Variants in CDS1 observed in about 807,000 individuals in gnomAD.
CDS1 encodes CDP-diacylglycerol synthase 1.
In CDS1, 41 loss-of-function variants were observed where a neutral mutation model predicts 62.1. The ratio of observed to expected loss-of-function variants is 0.66; its 90% CI spans 0.51 to 0.86. The LOEUF (loss-of-function observed/expected upper bound fraction) is 0.86. CDS1 is among the 40% of genes least tolerant of loss of function. The probability of loss-of-function intolerance (pLI) is 0.00; values close to 1 mark genes in which losing one functional copy is unlikely to be tolerated. For synonymous variants in CDS1, 185 were observed against 192.6 expected (o/e 0.96, Z 0.32); for missense variants, 470 against 550.1 (o/e 0.85, Z 1.46).
chr4:84,609,196 A>G (rs967041487), intron 2 of CDS1, among the ~76,000 whole-genome samples: 3 of 151,586 alleles, frequency 2.0e-5, no homozygotes, highest in African/African-American at 4.8e-5. Context: ...AAAAAAAAAA[A>G]AAAAAGAAAA....
At chr4:84,641,464 G>C (rs945971731) in intron 10 of CDS1, among the ~76,000 whole-genome samples, 2 of 152,204 alleles carry the variant, frequency 1.3e-5, no homozygotes, top group Non-Finnish European at 2.9e-5. Flanking sequence ...AGTGGTTTTA[G>C]TGTTAGCTTA....
At chr4:84,594,332 T>C (rs1251900508) in intron 1 of CDS1, among the ~76,000 whole-genome samples, 1 of 152,078 alleles carries the variant, frequency 6.6e-6, no homozygotes, top group Non-Finnish European at 1.5e-5. Context: ...GGGGAGGAAA[T>C]GCATGGTGAA....
chr4:84,612,138 C>T (rs1234921822), intron 3 of CDS1, among the ~76,000 whole-genome samples: 5 of 151,110 alleles, frequency 3.3e-5, no homozygotes, highest in Admixed American at 1.3e-4. Flanking sequence ...CCTTTGCTCA[C>T]GGTGCTTCCT....
At chr4:84,639,512 A>C (rs1320805738) in intron 9 of CDS1, among the ~76,000 whole-genome samples, 1 of 152,236 alleles carries the variant, frequency 6.6e-6, no homozygotes, top group Admixed American at 6.5e-5. Flanking sequence ...TAGCATGTTA[A>C]ATAGCTATTT....
At chr4:84,631,929 C>CTT (rs149864119) in intron 6 of CDS1, 52 bp downstream of exon 6, 948 of 1,208,742 alleles carry the variant, frequency 7.8e-4, no homozygotes, top group South Asian at 1.8e-3. Context: ...AAACCCTTAA[C>CTT]TTTTTTTTTT....
intron 6 of CDS1, among the ~76,000 whole-genome samples, chr4:84,633,612 A>G (rs1467112768): frequency 6.6e-6 from 1 of 152,198 alleles, no homozygotes; most frequent in East Asian, 1.9e-4. Context: ...AGTTAGTACT[A>G]TATAATTAGA....
chr4:84,632,555 T>G (rs1724056494), intron 6 of CDS1, among the ~76,000 whole-genome samples: 1 of 152,204 alleles, frequency 6.6e-6, no homozygotes, highest in African/African-American at 2.4e-5. Flanking sequence ...TGAACATAAT[T>G]GCTGGGAAAT....
At chr4:84,583,858 G>A (rs1000977400) in intron 1 of CDS1, among the ~76,000 whole-genome samples, 3 of 152,066 alleles carry the variant, frequency 2.0e-5, no homozygotes, top group Non-Finnish European at 4.4e-5. Context: ...AGGGGCTGCA[G>A]TGCAGTTAGT....
At chr4:84,627,819 C>G (rs1339405298) in intron 5 of CDS1, among the ~76,000 whole-genome samples, 4 of 152,042 alleles carry the variant, frequency 2.6e-5, no homozygotes, top group Non-Finnish European at 5.9e-5. Flanking sequence ...TTAATGAAAT[C>G]TTTAGAAAAG....
chr4:84,590,865 A>G (rs976140481), intron 1 of CDS1, among the ~76,000 whole-genome samples: 1 of 152,164 alleles, frequency 6.6e-6, no homozygotes, highest in Non-Finnish European at 1.5e-5. Flanking sequence ...ATGAGGTACA[A>G]TGTCTAGTAT....
rs1724627585 is a variant in CDS1, at chr4:84,648,753, A to G, written c.*67A>G. The G allele has an allele frequency of 6.8e-7, 1 of 1,480,400 alleles. No individual in the cohort carries two copies. Among genetic ancestry groups the G allele is most frequent in the Admixed American group, 2.1e-5 (1 of 48,322 alleles). 91.7% of individuals were successfully genotyped at this position (1,480,400 alleles called of 1,614,324 possible). ...AGAAAAACACTGACAGATGTTTTATAAATTGTACAGAAAAATAGTTAAAAA... is the reference window on the plus strand; with the variant it reads ...AGAAAAACACTGACAGATGTTTTATGAATTGTACAGAAAAATAGTTAAAAA... On this transcript the variant is annotated 3_prime_UTR_variant, in exon 13 of 13. Coordinates refer to ENST00000295887, the MANE Select transcript of CDS1 (RefSeq NM_001263.4).
intron 1 of CDS1, among the ~76,000 whole-genome samples, chr4:84,593,944 C>G (rs1237259320): frequency 7.2e-5 from 11 of 152,170 alleles, no homozygotes; most frequent in Non-Finnish European, 5.9e-5. Context: ...GGCAGCGAGT[C>G]TGAAACAAAA....
intron 7 of CDS1, among the ~76,000 whole-genome samples, chr4:84,634,731 G>A (rs1336782381): frequency 6.6e-6 from 1 of 152,046 alleles, no homozygotes; most frequent in African/African-American, 2.4e-5. Flanking sequence ...TTCATGTATT[G>A]TACAGACTTT....
rs1724099334 is a variant in CDS1, at chr4:84,633,924, T to A, written c.707T>A (p.Phe236Tyr). 1.2e-6 allele frequency: 2 copies of A among 1,601,954 alleles called. No individual in the cohort carries two copies. Among genetic ancestry groups the A allele is most frequent in the Non-Finnish European group, 8.5e-7 (1 of 1,172,450 alleles). Reference sequence around the variant, plus strand: ...TCACACCTTGTCATCCAAAATCTGTTTGAAGGCATGATATGGTAAGGCAAC... The same window carrying A: ...TCACACCTTGTCATCCAAAATCTGTATGAAGGCATGATATGGTAAGGCAAC... ...TQSHLVIQNL[F>Y]EGMIWFLVPI... Residue 236 changes from phenylalanine to tyrosine, a missense_variant, in exon 7 of 13, where the codon TTT becomes TAT. Phe to Tyr is a conservative substitution (Grantham distance 22). Coordinates refer to ENST00000295887, the MANE Select transcript of CDS1 (RefSeq NM_001263.4).
Position 84,609,271 on chromosome 4 carries a change from T to C in CDS1, c.246-158T>C, listed in dbSNP as rs529459552. Among the ~76,000 whole-genome samples, 147 of 152,292 alleles carry C rather than the reference T, an allele frequency of 9.7e-4. 4 individuals are homozygous for C. The South Asian group carries it at 0.028, about 29-fold the overall frequency. On this transcript the variant is annotated intron_variant, in intron 2 of 12. Coordinates refer to ENST00000295887, the MANE Select transcript of CDS1 (RefSeq NM_001263.4). The stretch of plus-strand genomic sequence containing the variant: ...GTTAATTTATCTCCCAGTGTGTGAA[T>C]GAATGCTGTTTGTTTTTTGTTTTTG...
At chr4:84,586,593 C>T (rs1424487583) in intron 1 of CDS1, among the ~76,000 whole-genome samples, 4 of 152,192 alleles carry the variant, frequency 2.6e-5, no homozygotes, top group Admixed American at 2.0e-4. Context: ...GAGGAAGCTT[C>T]ACTCGCAGAC....
chr4:84,615,194 T>C (rs1212820748), intron 3 of CDS1, among the ~76,000 whole-genome samples: 1 of 152,058 alleles, frequency 6.6e-6, no homozygotes, highest in African/African-American at 2.4e-5. Flanking sequence ...TTTTCTCCCT[T>C]AGCCCCTCAA....
At chr4:84,598,263 G>C (rs1722816690) in intron 1 of CDS1, among the ~76,000 whole-genome samples, 1 of 152,060 alleles carries the variant, frequency 6.6e-6, no homozygotes, top group Non-Finnish European at 1.5e-5. Flanking sequence ...CCTCCTTTCA[G>C]GTGTGGAGCT....
intron 10 of CDS1, among the ~76,000 whole-genome samples, chr4:84,641,308 C>T (rs964654373): frequency 5.9e-5 from 9 of 152,108 alleles, no homozygotes; most frequent in South Asian, 2.1e-4. Context: ...TCAAGTGATC[C>T]GCCTGCTTCG....
Sources: allele counts gnomAD v4.1 joint callset (sites outside exome capture counted in the v4.1 genomes callset), GRCh38; gene constraint gnomAD v4.1.1; transcripts MANE v1.5; gene names NCBI Gene and HGNC (gene_info 2026-07-23, HGNC 2026-07-21).